Variants in KCNQ1OT1 observed in about 807,000 individuals in gnomAD.
The protein encoded by KCNQ1OT1 is KCNQ1 antisense RNA 2 (non-protein coding).
chr11:2,680,256 C>T, exon 1 of KCNQ1OT1: 3 of 397,636 alleles, frequency 7.5e-6, no homozygotes, highest in Non-Finnish European at 8.9e-6. Context: ...TATTCATATC[C>T]CATTGGCATT....
chr11:2,650,197 GAT>G (rs1849735575), exon 1 of KCNQ1OT1: 1 of 398,298 alleles, frequency 2.5e-6, no homozygotes, highest in Non-Finnish European at 4.4e-6. Context: ...TTGTTTTCCT[GAT>G]ATGTTTGTAT....
At chr11:2,697,409 G>A (rs1850695919) in exon 1 of KCNQ1OT1, 1 of 398,446 alleles carries the variant, frequency 2.5e-6, no homozygotes, top group Non-Finnish European at 4.4e-6. Flanking sequence ...GGTATGGCCA[G>A]GATGACATCC....
exon 1 of KCNQ1OT1, chr11:2,675,144 C>A: frequency 2.5e-6 from 1 of 398,628 alleles, no homozygotes; most frequent in East Asian, 3.6e-5. Flanking sequence ...CCATCCTTCA[C>A]CCTATTAGAG....
exon 1 of KCNQ1OT1, chr11:2,629,978 A>G: frequency 2.5e-6 from 1 of 396,766 alleles, no homozygotes; most frequent in East Asian, 3.6e-5. Flanking sequence ...AGTGGTGAGA[A>G]TATCTTTTTC....
Position 2,677,684 on chromosome 11 carries a change from T to C in KCNQ1OT1, n.22311A>G, listed in dbSNP as rs1344405265. 1 of 398,524 alleles carries C rather than the reference T, an allele frequency of 2.5e-6. No homozygotes were observed. Among genetic ancestry groups the C allele is most frequent in the African/African-American group, 2.1e-5 (1 of 48,650 alleles). The allele number at this position is 398,524 out of a possible 1,614,324, so 24.7% of individuals were successfully genotyped here. On this transcript the variant is annotated non_coding_transcript_exon_variant, in exon 1 of 1. Coordinates refer to ENST00000597346, the Ensembl canonical transcript of KCNQ1OT1. The surrounding 1 kb of genome is among the most constrained non-coding windows in gnomAD (Gnocchi z 4.5). ...TGAGATAAAATAATATTTTAACTACTGTTATTTTTCAAATTAACTTCCCAA... is the reference window on the plus strand; with the variant it reads ...TGAGATAAAATAATATTTTAACTACCGTTATTTTTCAAATTAACTTCCCAA...
Position 2,626,053 on chromosome 11 carries a change from GTTTTAC to G in KCNQ1OT1, n.73936_73941del, listed in dbSNP as rs1278997381. ...AATGTAAATTTTTAAAATTTATCTAGTTTTACTTTTATTGCCTGTGCAAGTACAATT... is the reference window on the plus strand; with the variant it reads ...AATGTAAATTTTTAAAATTTATCTAGTTTTATTGCCTGTGCAAGTACAATT... On this transcript the variant is annotated non_coding_transcript_exon_variant, in exon 1 of 1. Coordinates refer to ENST00000597346, the Ensembl canonical transcript of KCNQ1OT1. This position sits in a 1 kb window ranked among gnomAD's most constrained non-coding sequence, Gnocchi z 4.0. 2 of 398,430 alleles carry G rather than the reference GTTTTAC, an allele frequency of 5.0e-6. No homozygotes were observed. Among genetic ancestry groups the G allele is most frequent in the Non-Finnish European group, 8.8e-6 (2 of 226,054 alleles). The allele number at this position is 398,430 out of a possible 1,614,324, so 24.7% of individuals were successfully genotyped here.
At position 2,613,118 on chromosome 11, in the gene KCNQ1OT1, G is replaced by A. The variant is rs1849008080; in HGVS notation, n.86877C>T. 2.5e-6 allele frequency: 1 copy of A among 398,552 alleles called. No individual in the cohort carries two copies. The highest frequency in any genetic ancestry group is 2.1e-5 in the African/African-American group (1 of 48,632). 24.7% of individuals were successfully genotyped at this position (398,552 alleles called of 1,614,324 possible). ...ACATTTGTTTAAACATCTTGAGCCA[G>A]TGAATCTTCCACCCTCTGCTGAGGG... is the stretch of plus-strand genomic sequence containing the variant. On this transcript the variant is annotated non_coding_transcript_exon_variant, in exon 1 of 1. Transcript: ENST00000597346. The surrounding 1 kb of genome is among the most constrained non-coding windows in gnomAD (Gnocchi z 4.8).
rs147930609 is a variant in KCNQ1OT1, at chr11:2,673,646, A to T, written n.26349T>A. ...CTTGCTACTGCTGATGACCACCCTGACTCATGTCCCTTGTCTGCATAGGTG... is the reference window on the plus strand; with the variant it reads ...CTTGCTACTGCTGATGACCACCCTGTCTCATGTCCCTTGTCTGCATAGGTG... On this transcript the variant is annotated non_coding_transcript_exon_variant, in exon 1 of 1. Coordinates refer to ENST00000597346, the Ensembl canonical transcript of KCNQ1OT1. This position sits in a 1 kb window ranked among gnomAD's most constrained non-coding sequence, Gnocchi z 4.5. The T allele has an allele frequency of 4.3e-3, 1,729 of 398,432 alleles. 14 individuals carry two copies. The highest frequency in any genetic ancestry group is 0.031 in the African/African-American group (1,489 of 48,642). The allele number at this position is 398,432 out of a possible 1,614,324, so 24.7% of individuals were successfully genotyped here. A position where few individuals can be genotyped will look rare whatever the true frequency, so the allele number is the denominator to read the frequency against.
chr11:2,699,861 G>C (rs925767619), exon 1 of KCNQ1OT1: 1 of 397,830 alleles, frequency 2.5e-6, no homozygotes, highest in Non-Finnish European at 4.4e-6. Context: ...CGCACCGGGA[G>C]AATCGTGCTG....
rs922347039 is a variant in KCNQ1OT1 at position 2,632,469 on chromosome 11, T to G, written n.67526A>C. On this transcript the variant is annotated non_coding_transcript_exon_variant, in exon 1 of 1. Transcript: ENST00000597346. ...CTTAGAGGAAAAGCTCTTAGTCTTT[T>G]CACCATTATGATGCTCCTTGTGGGT... 3 of 398,342 alleles carry G rather than the reference T, an allele frequency of 7.5e-6. No individual in the cohort carries two copies. The Admixed American group carries it at 1.3e-4, about 18-fold the overall frequency. 24.7% of individuals were successfully genotyped at this position (398,342 alleles called of 1,614,324 possible).
exon 1 of KCNQ1OT1, chr11:2,675,773 G>A (rs576489254): frequency 3.3e-5 from 13 of 398,694 alleles, no homozygotes; most frequent in African/African-American, 1.6e-4. Context: ...CACTGTGTGC[G>A]GGGAGCTGCT....
rs1016582587 is a variant in KCNQ1OT1, at chr11:2,624,832, T to C, written n.75163A>G. ...TACATACCTCATATAAGTGGAAACA[T>C]ACAGTACTTCTCTTCTTGTGACTGC... On this transcript the variant is annotated non_coding_transcript_exon_variant, in exon 1 of 1. Transcript: ENST00000597346. This position sits in a 1 kb window ranked among gnomAD's most constrained non-coding sequence, Gnocchi z 4.9. 5.0e-6 allele frequency: 2 copies of C among 398,624 alleles called. No individual in the cohort carries two copies. The highest frequency in any genetic ancestry group is 2.1e-5 in the African/African-American group (1 of 48,772). 24.7% of individuals were successfully genotyped at this position (398,624 alleles called of 1,614,324 possible). A position where few individuals can be genotyped will look rare whatever the true frequency, so the allele number is the denominator to read the frequency against.
chr11:2,621,830 T>TA lies in KCNQ1OT1; in HGVS notation n.78164dup, dbSNP rs944174103. 6 of 398,366 alleles carry TA rather than the reference T, an allele frequency of 1.5e-5. No individual in the cohort carries two copies. Among genetic ancestry groups the TA allele is most frequent in the African/African-American group, 1.2e-4 (6 of 48,758 alleles). 24.7% of individuals were successfully genotyped at this position (398,366 alleles called of 1,614,324 possible). On this transcript the variant is annotated non_coding_transcript_exon_variant, in exon 1 of 1. Coordinates refer to ENST00000597346, the Ensembl canonical transcript of KCNQ1OT1. This position sits in a 1 kb window ranked among gnomAD's most constrained non-coding sequence, Gnocchi z 5.7. ...TTCTTTGTTTCAAAAATTGAAGTCT[T>TA]AGTTTTACTGACTTTTTTCCCCTAT... is the stretch of plus-strand genomic sequence containing the variant.
rs1850576049 is a variant in KCNQ1OT1, at chr11:2,690,836, C to A, written n.9159G>T. The A allele has an allele frequency of 5.0e-6, 2 of 398,502 alleles. No individual in the cohort carries two copies. The highest frequency in any genetic ancestry group is 2.1e-5 in the African/African-American group (1 of 48,586). 24.7% of individuals were successfully genotyped at this position (398,502 alleles called of 1,614,324 possible). On this transcript the variant is annotated non_coding_transcript_exon_variant, in exon 1 of 1. Transcript: ENST00000597346. The surrounding 1 kb of genome is among the most constrained non-coding windows in gnomAD (Gnocchi z 5.1). Reference sequence around the variant, plus strand: ...TTCCAGCTTCCAGGCTCTGGCACTCCCACTGTTAGGAACAGGTACCTTTAG... The same window carrying A: ...TTCCAGCTTCCAGGCTCTGGCACTCACACTGTTAGGAACAGGTACCTTTAG...
chr11:2,619,570 T>G (rs552048589), exon 1 of KCNQ1OT1: 1 of 398,594 alleles, frequency 2.5e-6, no homozygotes, highest in South Asian at 1.3e-4. Flanking sequence ...AGTCTGCCAA[T>G]ATTTTATTAA....
Position 2,664,545 on chromosome 11 carries a change from G to A in KCNQ1OT1, n.35450C>T, listed in dbSNP as rs1850028713. 2.5e-6 allele frequency: 1 copy of A among 398,774 alleles called. No individual in the cohort carries two copies. The highest frequency in any genetic ancestry group is 3.6e-5 in the East Asian group (1 of 28,072). 24.7% of individuals were successfully genotyped at this position (398,774 alleles called of 1,614,324 possible). ...AGGGCCCAAACCGCCTGGCGGCAGG[G>A]GTGTGGGGGCCGTGCAGGTCTTCTG... is the stretch of plus-strand genomic sequence containing the variant. On this transcript the variant is annotated non_coding_transcript_exon_variant, in exon 1 of 1. Transcript: ENST00000597346. The surrounding 1 kb of genome is among the most constrained non-coding windows in gnomAD (Gnocchi z 5.1).
chr11:2,647,213 C>A lies in KCNQ1OT1; in HGVS notation n.52782G>T, dbSNP rs1002932116. ...TTTTGAATTTTATCAGATGCTTTTT[C>A]TGCATCTATTGAGATGATCATGTAT... is the stretch of plus-strand genomic sequence containing the variant. On this transcript the variant is annotated non_coding_transcript_exon_variant, in exon 1 of 1. Coordinates refer to ENST00000597346, the Ensembl canonical transcript of KCNQ1OT1. This position sits in a 1 kb window ranked among gnomAD's most constrained non-coding sequence, Gnocchi z 4.0. The A allele has an allele frequency of 3.0e-5, 12 of 397,982 alleles. No homozygotes were observed. The highest frequency in any genetic ancestry group is 5.3e-5 in the Non-Finnish European group (12 of 225,976). 24.7% of individuals were successfully genotyped at this position (397,982 alleles called of 1,614,324 possible). A position where few individuals can be genotyped will look rare whatever the true frequency, so the allele number is the denominator to read the frequency against.
chr11:2,686,022 T>G (rs1850483657), exon 1 of KCNQ1OT1: 1 of 399,114 alleles, frequency 2.5e-6, no homozygotes. Context: ...GGGCTCACTC[T>G]AAGCCCCGCC....
exon 1 of KCNQ1OT1, chr11:2,688,372 A>G (rs1287776185): frequency 2.5e-6 from 1 of 398,658 alleles, no homozygotes; most frequent in Admixed American, 4.4e-5. Flanking sequence ...ACTTCCCCGT[A>G]GAGGTTTCAA....
Sources: gnomAD v4.1 joint callset for allele counts on GRCh38, gnomAD v4.1.1 for gene constraint, Gnocchi (gnomAD v3.1) non-coding constraint, MANE v1.5 for transcripts, NCBI Gene and HGNC (gene_info 2026-07-23, HGNC 2026-07-21) for gene names.